Variants in CCDC146 observed in about 807,000 individuals in gnomAD.
The protein encoded by CCDC146 is coiled-coil domain containing 146.
CCDC146 carries 92 observed loss-of-function variants against 119.3 expected under a neutral mutation model. That is an observed-to-expected ratio of 0.77 (90% confidence interval 0.65 to 0.92). CCDC146 has a LOEUF of 0.92. Among genes scored for constraint, CCDC146 ranks in the 40% least tolerant of loss-of-function variants. The pLI is 0.00. For synonymous variants in CCDC146, 372 were observed against 371.8 expected (o/e 1.00, Z -0.01); for missense variants, 1,000 against 1,103.0 (o/e 0.91, Z 1.32).
intron 9 of CCDC146, among the ~76,000 whole-genome samples, chr7:77,271,180 C>A (rs1793505127): frequency 6.6e-6 from 1 of 151,742 alleles, no homozygotes; most frequent in South Asian, 2.1e-4. Context: ...AGGAGATGAA[C>A]CTTTGAGTCA....
At chr7:77,133,652 C>CT (rs71524906) in intron 1 of CCDC146, among the ~76,000 whole-genome samples, 22,925 of 137,736 alleles carry the variant, frequency 0.17, 2,019 homozygotes, top group Middle Eastern at 0.22. Context: ...CCTGGAACAC[C>CT]TTTTTTTTTT....
At chr7:77,293,484 A>G (rs17151234) in intron 18 of CCDC146, among the ~76,000 whole-genome samples, 35,693 of 152,122 alleles carry the variant, frequency 0.23, 4,925 homozygotes, top group African/African-American at 0.37. Context: ...CCAGCATAGC[A>G]ATGACCAGGC....
chr7:77,273,287 G>A (rs918415171), intron 9 of CCDC146, among the ~76,000 whole-genome samples: 1 of 152,102 alleles, frequency 6.6e-6, no homozygotes, highest in African/African-American at 2.4e-5. Context: ...TGGACACTTG[G>A]TTTATGTTCA....
At chr7:77,256,566 G>A in intron 6 of CCDC146, 57 bp downstream of exon 6, 1 of 1,424,450 alleles carries the variant, frequency 7.0e-7, no homozygotes, top group Non-Finnish European at 9.7e-7. Context: ...ATAAAAGTGT[G>A]TGGGTATCAA....
chr7:77,260,089 T>G lies in CCDC146; in HGVS notation c.839T>G (p.Val280Gly). ...TCCCTAAAGAAAGTTGAAAACAAGGTTAGTGCTATAGTGGATGAGAAGGAA... is the reference window on the plus strand; with the variant it reads ...TCCCTAAAGAAAGTTGAAAACAAGGGTAGTGCTATAGTGGATGAGAAGGAA... Reference protein sequence around the residue: ...NDSLKKVENKVSAIVDEKENV... With the variant: ...NDSLKKVENKGSAIVDEKENV... The change falls in exon 8 of 19, where the codon GTT becomes GGT. Residue 280 changes from valine (V) to glycine (G), a missense_variant. Val to Gly is a moderately radical substitution (Grantham distance 109, BLOSUM62 -3). Coordinates refer to ENST00000285871, the MANE Select transcript of CCDC146 (RefSeq NM_020879.3). 6.2e-7 allele frequency: 1 copy of G among 1,613,534 alleles called. No individual in the cohort carries two copies. Among genetic ancestry groups the G allele is most frequent in the Non-Finnish European group, 8.5e-7 (1 of 1,179,942 alleles).
chr7:77,186,837 A>G (rs1302731741), intron 2 of CCDC146, among the ~76,000 whole-genome samples: 1 of 152,200 alleles, frequency 6.6e-6, no homozygotes, highest in East Asian at 1.9e-4. Context: ...ACGTATAGGA[A>G]TTGGAAGTGA....
chr7:77,282,902 A>G (rs1325333644), intron 15 of CCDC146, 117 bp downstream of exon 15: 4 of 673,824 alleles, frequency 5.9e-6, no homozygotes, highest in Non-Finnish European at 7.7e-6. Context: ...ACCTATAAGA[A>G]TCCATCCATC....
chr7:77,209,393 G>A (rs1792140253), intron 2 of CCDC146, among the ~76,000 whole-genome samples: 1 of 152,232 alleles, frequency 6.6e-6, no homozygotes, highest in South Asian at 2.1e-4. Flanking sequence ...CGCTGACACA[G>A]GGGTGGGCTC....
chr7:77,243,090 G>A (rs549836716), intron 4 of CCDC146, among the ~76,000 whole-genome samples: 1 of 152,254 alleles, frequency 6.6e-6, no homozygotes, highest in African/African-American at 2.4e-5. Context: ...AACAATTGGT[G>A]GTTGTTCATT....
chr7:77,207,367 C>T (rs1562833273), intron 2 of CCDC146, among the ~76,000 whole-genome samples: 1 of 152,098 alleles, frequency 6.6e-6, no homozygotes, highest in Non-Finnish European at 1.5e-5. Flanking sequence ...TGTAAAATTG[C>T]TTGGCCCTTA....
intron 6 of CCDC146, among the ~76,000 whole-genome samples, chr7:77,257,734 C>T (rs1019383973): frequency 6.6e-6 from 1 of 152,166 alleles, no homozygotes; most frequent in Non-Finnish European, 1.5e-5. Context: ...ATGTGTGTTA[C>T]CCCTGGCTCC....
rs1791162949 is a variant in CCDC146, at chr7:77,155,195, C to T, written c.-11-12463C>T. 2.0e-5 allele frequency among the ~76,000 whole-genome samples: 3 copies of T among 152,206 alleles called. No individual in the cohort carries two copies. In the South Asian group the frequency reaches 6.2e-4, roughly 31 times the overall value. ...CTGTAAATTATTGTGGATATAAGAACAGTGTTTCTCGCCACACTGTGTATA... is the reference window on the plus strand; with the variant it reads ...CTGTAAATTATTGTGGATATAAGAATAGTGTTTCTCGCCACACTGTGTATA... On this transcript the variant is annotated intron_variant, in intron 1 of 18. Coordinates refer to ENST00000285871, the MANE Select transcript of CCDC146 (RefSeq NM_020879.3).
In CCDC146 at chr7:77,249,299, C is replaced by T. The variant is rs191302315; in HGVS notation, c.450-5207C>T. On this transcript the variant is annotated intron_variant, in intron 4 of 18. Coordinates refer to ENST00000285871, the MANE Select transcript of CCDC146 (RefSeq NM_020879.3). The stretch of plus-strand genomic sequence containing the variant: ...GAAGTCGAGATCAAGACCATCCTGG[C>T]CAACATGGTGAAACCCTGTCTCTAC... Among the ~76,000 whole-genome samples, 288 of 152,184 alleles carry T rather than the reference C, an allele frequency of 1.9e-3. 1 individual carries two copies. Among genetic ancestry groups the T allele is most frequent in the Non-Finnish European group, 3.4e-3 (229 of 67,986 alleles).
At chr7:77,292,601 A>C (rs1230523422) in intron 17 of CCDC146, among the ~76,000 whole-genome samples, 1 of 143,056 alleles carries the variant, frequency 7.0e-6, no homozygotes, top group Non-Finnish European at 1.5e-5. Context: ...AGGGCGACAG[A>C]GCGAGACTCA....
intron 2 of CCDC146, among the ~76,000 whole-genome samples, chr7:77,188,828 G>A (rs2150422172): frequency 6.6e-6 from 1 of 152,236 alleles, no homozygotes; most frequent in South Asian, 2.1e-4. Context: ...AGTATCTATT[G>A]CAATGGGAAT....
chr7:77,145,333 G>A (rs1790999176), intron 1 of CCDC146, among the ~76,000 whole-genome samples: 1 of 151,364 alleles, frequency 6.6e-6, no homozygotes, highest in African/African-American at 2.4e-5. Flanking sequence ...TCTTGCTAGT[G>A]GTCTATCAAT....
chr7:77,172,184 A>G (rs1312166066), intron 2 of CCDC146, among the ~76,000 whole-genome samples: 4 of 152,156 alleles, frequency 2.6e-5, no homozygotes, highest in Non-Finnish European at 5.9e-5. Context: ...TAACAACACC[A>G]CTAAGATATT....
At chr7:77,258,874 A>G in intron 6 of CCDC146, 121 bp from the exon 7 acceptor site, 1 of 665,836 alleles carries the variant, frequency 1.5e-6, no homozygotes, top group South Asian at 1.8e-5. Flanking sequence ...ATTAAAGCAC[A>G]CAGGGCAGAT....
chr7:77,181,962 G>T (rs1014819024), intron 2 of CCDC146, among the ~76,000 whole-genome samples: 1 of 152,072 alleles, frequency 6.6e-6, no homozygotes, highest in African/African-American at 2.4e-5. Flanking sequence ...TATGTACGTT[G>T]ATGTAGGGGA....
Sources: gnomAD v4.1 joint callset for allele counts (sites outside exome capture counted in the v4.1 genomes callset) on GRCh38, gnomAD v4.1.1 for gene constraint, MANE v1.5 for transcripts, NCBI Gene and HGNC (gene_info 2026-07-23, HGNC 2026-07-21) for gene names.